Variants in ZSWIM6 observed in about 807,000 individuals in gnomAD.
ZSWIM6 encodes the protein zinc finger SWIM-type containing 6.
ZSWIM6 carries 9 observed loss-of-function variants against 113.2 expected under a neutral mutation model. The ratio of observed to expected loss-of-function variants is 0.08; its 90% CI spans 0.05 to 0.14. The LOEUF is 0.14. ZSWIM6 is among the 10% of genes least tolerant of loss of function. The pLI is 1.00. For synonymous variants in ZSWIM6, 611 were observed against 606.5 expected (o/e 1.01, Z -0.11); for missense variants, 1,162 against 1,552.2 (o/e 0.75, Z 4.22).
At chr5:61,470,876 C>T (rs1033225930) in intron 1 of ZSWIM6, among the ~76,000 whole-genome samples, 2 of 152,280 alleles carry the variant, frequency 1.3e-5, no homozygotes, top group South Asian at 4.1e-4. Context: ...AATTATATTA[C>T]CTCTGAAAGA....
At chr5:61,342,452 A>G (rs1454031125) in intron 1 of ZSWIM6, among the ~76,000 whole-genome samples, 3 of 152,186 alleles carry the variant, frequency 2.0e-5, no homozygotes, top group Non-Finnish European at 4.4e-5. Context: ...TCCGTTTTAC[A>G]GATGAGGAAA....
At chr5:61,498,429 T>A (rs767652909) in intron 4 of ZSWIM6, among the ~76,000 whole-genome samples, 3 of 152,228 alleles carry the variant, frequency 2.0e-5, no homozygotes, top group Non-Finnish European at 2.9e-5. Flanking sequence ...CGGCTTCTCA[T>A]CTGGAGACCT....
At chr5:61,466,345 T>C (rs1747435678) in intron 1 of ZSWIM6, among the ~76,000 whole-genome samples, 2 of 152,170 alleles carry the variant, frequency 1.3e-5, no homozygotes, top group Admixed American at 1.3e-4. Context: ...ACTTTTGCAT[T>C]TTTAGACTTG....
At chr5:61,342,081 T>G (rs1744563187) in intron 1 of ZSWIM6, among the ~76,000 whole-genome samples, 1 of 152,026 alleles carries the variant, frequency 6.6e-6, no homozygotes, top group East Asian at 1.9e-4. Context: ...GGTTTCACCA[T>G]GTTGGCCAGG....
chr5:61,476,305 T>G (rs1054993946), intron 2 of ZSWIM6, among the ~76,000 whole-genome samples: 19 of 152,170 alleles, frequency 1.2e-4, no homozygotes, highest in Non-Finnish European at 2.4e-4. Flanking sequence ...TGTGAGCAAT[T>G]TTCTTGTAAT....
chr5:61,424,812 A>G (rs765537040), intron 1 of ZSWIM6, among the ~76,000 whole-genome samples: 3 of 145,534 alleles, frequency 2.1e-5, no homozygotes, highest in Admixed American at 7.1e-5. Context: ...ACTGTAACCT[A>G]TGCCTGCTGG....
At chr5:61,469,792 C>T (rs1747524159) in intron 1 of ZSWIM6, among the ~76,000 whole-genome samples, 1 of 152,136 alleles carries the variant, frequency 6.6e-6, no homozygotes, top group Admixed American at 6.5e-5. Context: ...ACTGCAAGCT[C>T]CGCCTCCCGG....
chr5:61,367,235 A>C (rs1745178035), intron 1 of ZSWIM6, among the ~76,000 whole-genome samples: 1 of 152,094 alleles, frequency 6.6e-6, no homozygotes, highest in South Asian at 2.1e-4. Context: ...TGCTTACATC[A>C]GGCCTTAAGT....
chr5:61,378,338 A>G (rs1745411614), intron 1 of ZSWIM6, among the ~76,000 whole-genome samples: 1 of 152,258 alleles, frequency 6.6e-6, no homozygotes. Flanking sequence ...CTGATAGAGG[A>G]TGATGTAGAT....
intron 1 of ZSWIM6, among the ~76,000 whole-genome samples, chr5:61,356,822 AAAT>A (rs1744925355): frequency 7.0e-6 from 1 of 143,726 alleles, no homozygotes; most frequent in South Asian, 2.1e-4. Context: ...GATAAATAAA[AAAT>A]ATATATTTTA....
chr5:61,455,903 G>A (rs1174851826), intron 1 of ZSWIM6, among the ~76,000 whole-genome samples: 1 of 147,046 alleles, frequency 6.8e-6, no homozygotes. Flanking sequence ...TCATCACCTG[G>A]TAAAATGAAA....
At chr5:61,366,485 A>G (rs1002495715) in intron 1 of ZSWIM6, among the ~76,000 whole-genome samples, 4 of 152,258 alleles carry the variant, frequency 2.6e-5, no homozygotes, top group African/African-American at 7.2e-5. Flanking sequence ...TACAATGTCC[A>G]CACACTGAAG....
chr5:61,450,847 G>A (rs1447657450), intron 1 of ZSWIM6, among the ~76,000 whole-genome samples: 1 of 152,140 alleles, frequency 6.6e-6, no homozygotes, highest in East Asian at 1.9e-4. Context: ...AGGAACCCCA[G>A]GAACATTTGC....
chr5:61,482,339 G>T (rs1431180082), intron 2 of ZSWIM6, among the ~76,000 whole-genome samples: 1 of 150,708 alleles, frequency 6.6e-6, no homozygotes, highest in African/African-American at 2.4e-5. Context: ...CACACACCGG[G>T]GCCTGTTGGG....
chr5:61,491,264 T>A (rs1329505489), intron 3 of ZSWIM6, among the ~76,000 whole-genome samples: 4 of 152,022 alleles, frequency 2.6e-5, no homozygotes, highest in African/African-American at 9.7e-5. Flanking sequence ...CCTTTCTAGT[T>A]AATTTTCCCA....
Position 61,497,446 on chromosome 5 carries a change from A to G in ZSWIM6, c.1333+3036A>G, listed in dbSNP as rs577088559. ...GCCCAATTTCTTCCCCCCATGCTCC[A>G]GCTAACAAAGGGACTGATTATTCTG... On this transcript the variant is annotated intron_variant, in intron 4 of 13. Transcript: ENST00000252744. Among the ~76,000 whole-genome samples the G allele has an allele frequency of 4.6e-5, 7 of 152,290 alleles. No homozygotes were observed. In the South Asian group the frequency reaches 1.2e-3, roughly 27 times the overall value.
intron 1 of ZSWIM6, among the ~76,000 whole-genome samples, chr5:61,454,102 A>T (rs976206394): frequency 3.3e-5 from 5 of 151,962 alleles, no homozygotes; most frequent in Non-Finnish European, 5.9e-5. Flanking sequence ...ATGGTCCATA[A>T]ATGCTTATTT....
chr5:61,338,402 C>A (rs1744451585), intron 1 of ZSWIM6, among the ~76,000 whole-genome samples: 1 of 152,088 alleles, frequency 6.6e-6, no homozygotes, highest in Non-Finnish European at 1.5e-5. Context: ...TATGTCAGAT[C>A]CTACCCTTTT....
chr5:61,398,150 C>T (rs1745878394), intron 1 of ZSWIM6, among the ~76,000 whole-genome samples: 1 of 152,118 alleles, frequency 6.6e-6, no homozygotes, highest in African/African-American at 2.4e-5. Flanking sequence ...CCCCTGGGGC[C>T]ATGGAACCCT....
Sources: gnomAD v4.1 joint callset for allele counts (sites outside exome capture counted in the v4.1 genomes callset) on GRCh38, gnomAD v4.1.1 for gene constraint, MANE v1.5 for transcripts, NCBI Gene and HGNC (gene_info 2026-07-23, HGNC 2026-07-21) for gene names.